Variants in ZNF626 observed in about 807,000 individuals in gnomAD.
The protein encoded by ZNF626 is CTC-513N18.7.
In ZNF626, 4 loss-of-function variants were observed where a neutral mutation model predicts 11.7. The ratio of observed to expected loss-of-function variants is 0.34; its 90% confidence interval spans 0.17 to 0.78. ZNF626 has a LOEUF of 0.78. Among genes scored for constraint, ZNF626 ranks in the 30% least tolerant of loss-of-function variants. The pLI, the probability that ZNF626 is intolerant of heterozygous loss-of-function variation, is 0.57. For synonymous variants in ZNF626, 179 were observed against 198.6 expected (o/e 0.90, Z 0.83); for missense variants, 588 against 587.1 (o/e 1.00, Z -0.01).
intron 1 of ZNF626, among the ~76,000 whole-genome samples, chr19:20,655,258 T>G (rs1555772977): frequency 6.6e-6 from 1 of 152,234 alleles, no homozygotes; most frequent in Non-Finnish European, 1.5e-5. Context: ...TGTTCTTGCT[T>G]TCGCAGTATA....
rs377238647 is a variant in ZNF626 at position 20,625,502 on chromosome 19, C to T, written c.375G>A (p.Val125=). ...KGCISVDECK[V]HKEGYNELNQ... The stretch of plus-strand genomic sequence containing the variant: ...TAAGTTCATTATAACCTTCTTTGTG[C>T]ACCTTACACTCATCCACACTTATAC... Residue 125 remains valine (V), a synonymous_variant, in exon 4 of 4, where the codon GTG becomes GTA. Transcript: ENST00000601440. 7.1e-5 allele frequency: 114 copies of T among 1,613,964 alleles called. No individual in the cohort carries two copies. In the East Asian group the frequency reaches 2.0e-3, roughly 28 times the overall value.
At chr19:20,632,422 C>A (rs1336238238) in intron 3 of ZNF626, among the ~76,000 whole-genome samples, 9 of 152,180 alleles carry the variant, frequency 5.9e-5, no homozygotes, top group Non-Finnish European at 1.2e-4. Flanking sequence ...CTTTTAGATA[C>A]ACCAATCAGA....
rs890674498 is a variant in ZNF626 at position 20,623,626 on chromosome 19, T to C, written c.*664A>G. On this transcript the variant is annotated 3_prime_UTR_variant, in exon 4 of 4. Coordinates refer to ENST00000601440, the MANE Select transcript of ZNF626 (RefSeq NM_001076675.3). The stretch of plus-strand genomic sequence containing the variant: ...CCAGCCTGACAAACATGGTGTAACC[T>C]TGTCTCTACTAAAAATACAAAAGTT... The C allele has an allele frequency of 3.4e-5, 6 of 176,722 alleles. No individual in the cohort carries two copies. Among genetic ancestry groups the C allele is most frequent in the Non-Finnish European group, 7.2e-5 (6 of 83,256 alleles). The allele number at this position is 176,722 out of a possible 1,614,324, so 10.9% of individuals were successfully genotyped here. A position where few individuals can be genotyped will look rare whatever the true frequency, so the allele number is the denominator to read the frequency against.
intron 3 of ZNF626, among the ~76,000 whole-genome samples, chr19:20,633,003 A>G (rs1453670141): frequency 6.6e-6 from 1 of 152,188 alleles, no homozygotes; most frequent in African/African-American, 2.4e-5. Context: ...TCCTTCTAAC[A>G]GACAGGACCC....
intron 1 of ZNF626, among the ~76,000 whole-genome samples, chr19:20,657,992 C>T (rs1970223222): frequency 2.0e-5 from 3 of 151,846 alleles, no homozygotes. Flanking sequence ...CATACCTGTT[C>T]GGTGGTATGC....
At chr19:20,645,568 G>T in intron 3 of ZNF626, 116 bp downstream of exon 3, 5 of 1,552,302 alleles carry the variant, frequency 3.2e-6, no homozygotes, top group Non-Finnish European at 4.3e-6. Flanking sequence ...AGCTGCCCAA[G>T]AACTATTTCC....
At chr19:20,629,010 G>C (rs1568455566) in intron 3 of ZNF626, among the ~76,000 whole-genome samples, 1 of 152,180 alleles carries the variant, frequency 6.6e-6, no homozygotes, top group African/African-American at 2.4e-5. Context: ...TGGCTAGCCA[G>C]TTTTCCCAGC....
intron 3 of ZNF626, among the ~76,000 whole-genome samples, chr19:20,629,182 G>A (rs9760996): frequency 0.45 from 68,283 of 151,882 alleles, 16,622 homozygotes; most frequent in African/African-American, 0.64. Flanking sequence ...TTTGGTTACT[G>A]TAGCCTTGTA....
rs1466835857 is a variant in ZNF626 at position 20,623,563 on chromosome 19, C to T, written c.*727G>A. 6.3e-6 allele frequency: 1 copy of T among 158,090 alleles called. No individual in the cohort carries two copies. Among genetic ancestry groups the T allele is most frequent in the East Asian group, 1.9e-4 (1 of 5,294 alleles). The allele number at this position is 158,090 out of a possible 1,614,324, so 9.8% of individuals were successfully genotyped here. A position where few individuals can be genotyped will look rare whatever the true frequency, so the allele number is the denominator to read the frequency against. On this transcript the variant is annotated 3_prime_UTR_variant, in exon 4 of 4. Coordinates refer to ENST00000601440, the MANE Select transcript of ZNF626 (RefSeq NM_001076675.3). ...CCTGTAATTGCAACACTTTAGGAGGCTGAGGTGGGTGGATCATGTGAGGTC... is the reference window on the plus strand; with the variant it reads ...CCTGTAATTGCAACACTTTAGGAGGTTGAGGTGGGTGGATCATGTGAGGTC...
intron 3 of ZNF626, among the ~76,000 whole-genome samples, chr19:20,629,318 G>GA (rs1969876198): frequency 6.6e-6 from 1 of 152,180 alleles, no homozygotes; most frequent in African/African-American, 2.4e-5. Flanking sequence ...ATTCTGTGAA[G>GA]AAAGTCATCG....
In ZNF626 at chr19:20,645,767, G is replaced by T; in HGVS notation, c.143C>A (p.Ser48Tyr). ...SNLVFLGITV[S>Y]KPDLITCLEQ... ...CAGACAGGTGATCAGGTCTGGCTTA[G>T]AAACAGTAATACCTGTTTTATTAAA... Residue 48 changes from serine to tyrosine, a missense_variant, in exon 3 of 4, where the codon TCT becomes TAT. Transcript: ENST00000601440. 6.2e-7 allele frequency: 1 copy of T among 1,606,260 alleles called. No homozygotes were observed. The highest frequency in any genetic ancestry group is 8.5e-7 in the Non-Finnish European group (1 of 1,177,866).
At chr19:20,632,276 C>T (rs1555770445) in intron 3 of ZNF626, among the ~76,000 whole-genome samples, 1 of 152,056 alleles carries the variant, frequency 6.6e-6, no homozygotes, top group Non-Finnish European at 1.5e-5. Context: ...CTTGGAATTC[C>T]TCTTCTCGAG....
At position 20,645,732 on chromosome 19, in the gene ZNF626, T is replaced by C. The variant is rs782700351; in HGVS notation, c.178A>G (p.Arg60Gly). 2 of 1,611,862 alleles carry C rather than the reference T, an allele frequency of 1.2e-6. No homozygotes were observed. The change falls in exon 3 of 4, where the codon AGA becomes GGA. Residue 60 changes from arginine to glycine, a missense_variant. Around this residue, in one of 4 missense-constraint regions of ZNF626, gnomAD observed 524 missense variants for 470.1 expected, o/e 1.11. Transcript: ENST00000601440. ...TTTCTCTTCATGGTCAAAGGTTTTCTTCCTTGCTCCAGACAGGTGATCAGG... is the reference window on the plus strand; with the variant it reads ...TTTCTCTTCATGGTCAAAGGTTTTCCTCCTTGCTCCAGACAGGTGATCAGG... ...PDLITCLEQG[R>G]KPLTMKRNEM...
chr19:20,626,964 G>C (rs1302199654), intron 3 of ZNF626, among the ~76,000 whole-genome samples: 2 of 152,072 alleles, frequency 1.3e-5, no homozygotes, highest in Non-Finnish European at 2.9e-5. Context: ...GCTATGAGCT[G>C]AGATGGCGCC....
chr19:20,620,146 T>C lies in ZNF626; in HGVS notation c.*4144A>G, dbSNP rs1226324454. ...GAGTGTGTTTGAAGAGGGCTTTTATTGTTGTACTCAAGAGTGTTATTTCTG... is the reference window on the plus strand; with the variant it reads ...GAGTGTGTTTGAAGAGGGCTTTTATCGTTGTACTCAAGAGTGTTATTTCTG... On this transcript the variant is annotated 3_prime_UTR_variant, in exon 4 of 4. Coordinates refer to ENST00000601440, the MANE Select transcript of ZNF626 (RefSeq NM_001076675.3). 6.6e-6 allele frequency: 1 copy of C among 152,200 alleles called. No individual in the cohort carries two copies. Among genetic ancestry groups the C allele is most frequent in the Non-Finnish European group, 1.5e-5 (1 of 68,036 alleles). The allele number at this position is 152,200 out of a possible 1,614,324, so 9.4% of individuals were successfully genotyped here. A position where few individuals can be genotyped will look rare whatever the true frequency, so the allele number is the denominator to read the frequency against.
intron 3 of ZNF626, among the ~76,000 whole-genome samples, chr19:20,641,215 G>C (rs1357949701): frequency 3.3e-5 from 5 of 150,068 alleles, no homozygotes; most frequent in Admixed American, 6.7e-5. Context: ...ATTCAAAAAA[G>C]CCAAAAGGCT....
In ZNF626 at chr19:20,646,342, T is replaced by C. The variant is rs1463913530; in HGVS notation, c.67A>G (p.Thr23Ala). The C allele has an allele frequency of 1.1e-5, 18 of 1,614,044 alleles. No homozygotes were observed. The highest frequency in any genetic ancestry group is 1.4e-5 in the Non-Finnish European group (16 of 1,180,014). Residue 23 changes from threonine (T) to alanine (A), a missense_variant, in exon 2 of 4, where the codon ACT becomes GCT. Around this residue, in one of 4 missense-constraint regions of ZNF626, gnomAD observed 524 missense variants for 470.1 expected, o/e 1.11. Transcript: ENST00000601440. ...TTCCTATATAAATTCCGCTGTGCAG[T>C]GTCCAGGCAATGCCACTCCTCCAGA... ...FSLEEWHCLDTAQRNLYRNVM... is the reference protein window; with the variant it reads ...FSLEEWHCLDAAQRNLYRNVM...
chr19:20,658,993 G>T lies in ZNF626; in HGVS notation c.3+2451C>A, dbSNP rs1451502558. On this transcript the variant is annotated intron_variant, in intron 1 of 3. Coordinates refer to ENST00000601440, the MANE Select transcript of ZNF626 (RefSeq NM_001076675.3). The stretch of plus-strand genomic sequence containing the variant: ...GATGCAGCCCAGGAAAAGCCAAATG[G>T]AAGAAATGCATAGAACAAAGAGATG... Among the ~76,000 whole-genome samples, 3 of 152,158 alleles carry T rather than the reference G, an allele frequency of 2.0e-5. No homozygotes were observed. The East Asian group carries it at 5.8e-4, about 29-fold the overall frequency.
chr19:20,629,319 A>G (rs549165646), intron 3 of ZNF626, among the ~76,000 whole-genome samples: 1 of 152,192 alleles, frequency 6.6e-6, no homozygotes, highest in African/African-American at 2.4e-5. Flanking sequence ...TTCTGTGAAG[A>G]AAGTCATCGG....
Sources: allele counts gnomAD v4.1 joint callset (sites outside exome capture counted in the v4.1 genomes callset), GRCh38; gene constraint gnomAD v4.1.1; regional missense constraint gnomAD v4.1.1; transcripts MANE v1.5; gene names NCBI Gene and HGNC (gene_info 2026-07-23, HGNC 2026-07-21).